The following KCTD21 variants were observed in gnomAD, a reference collection of about 807,000 sequenced individuals.
KCTD21 encodes the protein potassium channel tetramerization domain containing 21, also known as BTB/POZ domain-containing protein KCTD21.
Under a neutral mutation model 13.2 loss-of-function variants are expected in KCTD21, and 9 were observed. The observed-to-expected ratio is 0.68, with a 90% confidence interval of 0.41 to 1.19. The LOEUF (loss-of-function observed/expected upper bound fraction) is 1.19, where lower values mean the gene tolerates loss of function less well. Among genes scored for constraint, KCTD21 ranks in the 50% most tolerant of loss-of-function variants. KCTD21 has a pLI of 0.01. For synonymous variants in KCTD21, 142 were observed against 137.4 expected (o/e 1.03, Z -0.23); for missense variants, 303 against 336.5 (o/e 0.90, Z 0.78).
chr11:78,177,143 A>C (rs1020132352), intron 1 of KCTD21, among the ~76,000 whole-genome samples: 1 of 152,234 alleles, frequency 6.6e-6, no homozygotes, highest in Non-Finnish European at 1.5e-5. Context: ...CTGCCTCCTG[A>C]AGAGGCTGAC....
At chr11:78,182,394 T>C (rs950492678) in intron 1 of KCTD21, among the ~76,000 whole-genome samples, 5 of 151,664 alleles carry the variant, frequency 3.3e-5, no homozygotes, top group Non-Finnish European at 7.4e-5. Context: ...AAAATTTTAA[T>C]CTGGAAGCAC....
chr11:78,187,215 G>A (rs1862806229), intron 1 of KCTD21: 2 of 985,314 alleles, frequency 2.0e-6, no homozygotes, highest in Non-Finnish European at 2.4e-6. Context: ...TTACCCCACC[G>A]GAGAAAGGAC....
chr11:78,177,258 T>C (rs1293414975), intron 1 of KCTD21, among the ~76,000 whole-genome samples: 2 of 152,236 alleles, frequency 1.3e-5, no homozygotes, highest in Non-Finnish European at 2.9e-5. Context: ...TGTCCCCTCA[T>C]GATTCCTCCC....
intron 1 of KCTD21, among the ~76,000 whole-genome samples, chr11:78,182,708 C>T (rs988614574): frequency 1.3e-5 from 2 of 152,132 alleles, no homozygotes; most frequent in Admixed American, 1.3e-4. Context: ...GATTCTTGAC[C>T]TCAGAGTCAT....
chr11:78,188,300 G>A, intron 1 of KCTD21: 7 of 970,076 alleles, frequency 7.2e-6, no homozygotes, highest in Non-Finnish European at 8.5e-6. Flanking sequence ...TCCTCCCACA[G>A]TCCCGACCCT....
At chr11:78,177,514 C>G (rs1862489894) in intron 1 of KCTD21, among the ~76,000 whole-genome samples, 1 of 152,162 alleles carries the variant, frequency 6.6e-6, no homozygotes, top group African/African-American at 2.4e-5. Flanking sequence ...CTGGCCAATT[C>G]TCTCTCCAGA....
intron 1 of KCTD21, chr11:78,174,971 G>C (rs1181948287): frequency 6.1e-6 from 1 of 164,506 alleles, no homozygotes; most frequent in African/African-American, 2.4e-5. Context: ...AAGAAAGAAA[G>C]GAAAACGTGC....
In KCTD21 at chr11:78,173,575, C is replaced by A; in HGVS notation, c.*197G>T. The A allele has an allele frequency of 1.7e-6, 1 of 582,062 alleles. No homozygotes were observed. Among genetic ancestry groups the A allele is most frequent in the Non-Finnish European group, 3.0e-6 (1 of 330,080 alleles). The allele number at this position is 582,062 out of a possible 1,614,324, so 36.1% of individuals were successfully genotyped here. A position where few individuals can be genotyped will look rare whatever the true frequency, so the allele number is the denominator to read the frequency against. On this transcript the variant is annotated 3_prime_UTR_variant, in exon 2 of 2. Coordinates refer to ENST00000340067, the MANE Select transcript of KCTD21 (RefSeq NM_001029859.3). ...ACCGCCTGTCTGCAGCTCAAAATGG[C>A]AAGAAAAAAGGTGGTTCTGTTCAGA...
chr11:78,173,885 C>G lies in KCTD21; in HGVS notation c.670G>C (p.Val224Leu). ...NKQINSFQVFVEEVLKIALSD... is the reference protein window; with the variant it reads ...NKQINSFQVFLEEVLKIALSD... Reference sequence around the variant, plus strand: ...AGAGCGATTTTCAGTACCTCTTCCACGAAGACCTGGAAGCTGTTGATCTGC... The same window carrying G: ...AGAGCGATTTTCAGTACCTCTTCCAGGAAGACCTGGAAGCTGTTGATCTGC... Residue 224 changes from valine (V) to leucine (L), a missense_variant, in exon 2 of 2, where the codon GTG becomes CTG. Transcript: ENST00000340067. 6.2e-7 allele frequency: 1 copy of G among 1,614,166 alleles called. No homozygotes were observed.
At chr11:78,184,841 C>A (rs1348899675) in intron 1 of KCTD21, among the ~76,000 whole-genome samples, 1 of 152,008 alleles carries the variant, frequency 6.6e-6, no homozygotes, top group East Asian at 1.9e-4. Context: ...CCTTGACATC[C>A]CCAGGCTCAG....
chr11:78,180,861 G>A (rs916096550), intron 1 of KCTD21, among the ~76,000 whole-genome samples: 4 of 151,412 alleles, frequency 2.6e-5, no homozygotes, highest in African/African-American at 9.8e-5. Context: ...GGAGATGATT[G>A]AATCATTGGG....
At chr11:78,184,825 C>T (rs190016168) in intron 1 of KCTD21, among the ~76,000 whole-genome samples, 2 of 152,074 alleles carry the variant, frequency 1.3e-5, no homozygotes, top group African/African-American at 2.4e-5. Flanking sequence ...TCATGGTTCA[C>T]TGCAGCCTTG....
intron 1 of KCTD21, among the ~76,000 whole-genome samples, chr11:78,185,232 C>A (rs1862733974): frequency 1.3e-5 from 2 of 152,006 alleles, no homozygotes; most frequent in Non-Finnish European, 2.9e-5. Context: ...TGTAAAAGCA[C>A]AATTGGCAAA....
chr11:78,181,452 C>G (rs1482532677), intron 1 of KCTD21, among the ~76,000 whole-genome samples: 1 of 152,112 alleles, frequency 6.6e-6, no homozygotes. Context: ...CTGGCAAAGG[C>G]AAAACTATAA....
chr11:78,187,326 C>G, intron 1 of KCTD21: 3 of 985,300 alleles, frequency 3.0e-6, no homozygotes, highest in Non-Finnish European at 3.6e-6. Context: ...CTTGCCCAGT[C>G]CATATCTCTA....
At chr11:78,175,328 A>G (rs1228737653) in intron 1 of KCTD21, 1 of 150,824 alleles carries the variant, frequency 6.6e-6, no homozygotes, top group Non-Finnish European at 1.5e-5. Flanking sequence ...TGTCTCAAAA[A>G]AAAAAAAAAA....
intron 1 of KCTD21, among the ~76,000 whole-genome samples, chr11:78,185,653 G>A (rs554049737): frequency 2.0e-5 from 3 of 152,050 alleles, no homozygotes; most frequent in South Asian, 2.1e-4. Flanking sequence ...GTGCAGTGGC[G>A]TGATCCTGGC....
chr11:78,188,334 TCACCATCC>T, intron 1 of KCTD21: 1 of 984,190 alleles, frequency 1.0e-6, no homozygotes, highest in Non-Finnish European at 1.2e-6. Context: ...TTTCCGACTA[TCACCATCC>T]GCCCTTGCTC....
At chr11:78,182,471 T>C (rs1862657539) in intron 1 of KCTD21, among the ~76,000 whole-genome samples, 1 of 152,180 alleles carries the variant, frequency 6.6e-6, no homozygotes, top group East Asian at 1.9e-4. Flanking sequence ...AACTAGATTA[T>C]AAAGCAATGA....
Sources: allele counts gnomAD v4.1 joint callset (sites outside exome capture counted in the v4.1 genomes callset), GRCh38; gene constraint gnomAD v4.1.1; transcripts MANE v1.5; gene names NCBI Gene and HGNC (gene_info 2026-07-23, HGNC 2026-07-21).